STIMATE: variants seen among roughly 807,000 people sequenced by gnomAD.
STIMATE encodes the protein store-operated calcium entry regulator STIMATE.
STIMATE carries 15 observed loss-of-function variants against 36.7 expected under a neutral mutation model. The ratio of observed to expected loss-of-function variants is 0.41; its 90% confidence interval spans 0.27 to 0.63. STIMATE has a LOEUF of 0.63. STIMATE is among the 20% of genes least tolerant of loss of function. The pLI is 0.32. For missense variants in STIMATE, 305 were observed against 397.3 expected, an observed-to-expected ratio of 0.77 and a Z score of 1.98; for synonymous variants, 163 against 162.3, an observed-to-expected ratio of 1.00 and a Z score of -0.03.
At chr3:52,864,151 T>G (rs1701264134) in intron 1 of STIMATE, among the ~76,000 whole-genome samples, 1 of 152,206 alleles carries the variant, frequency 6.6e-6, no homozygotes, top group Non-Finnish European at 1.5e-5. Flanking sequence ...CCTTCCACAT[T>G]GCCCTAGCAG....
intron 1 of STIMATE, among the ~76,000 whole-genome samples, chr3:52,896,461 G>GC (rs11379141): frequency 0.26 from 39,548 of 151,076 alleles, 5,378 homozygotes; most frequent in Admixed American, 0.38. Context: ...AAAAACAGAA[G>GC]CCCCCCCCCA....
intron 7 of STIMATE, among the ~76,000 whole-genome samples, chr3:52,842,134 C>T (rs1358750191): frequency 6.6e-5 from 10 of 152,348 alleles, no homozygotes; most frequent in African/African-American, 2.2e-4. Context: ...ACAGCCTCTC[C>T]GGGGAAGACG....
intron 1 of STIMATE, among the ~76,000 whole-genome samples, chr3:52,870,945 G>A (rs1471250476): frequency 6.6e-6 from 1 of 151,948 alleles, no homozygotes; most frequent in Admixed American, 6.6e-5. Flanking sequence ...GCACCTTCTC[G>A]ACACTCCCAC....
At chr3:52,866,310 C>T (rs371379250) in intron 1 of STIMATE, among the ~76,000 whole-genome samples, 12 of 152,384 alleles carry the variant, frequency 7.9e-5, no homozygotes, top group East Asian at 5.8e-4. Context: ...AGCACGGCTG[C>T]GGCGTGCACC....
intron 2 of STIMATE, among the ~76,000 whole-genome samples, chr3:52,853,819 C>T (rs139526090): frequency 1.3e-3 from 192 of 149,986 alleles, no homozygotes; most frequent in African/African-American, 4.6e-3. Context: ...TGATTACTGA[C>T]GTTTCCTCTG....
At chr3:52,845,405 TCCCACCTC>T (rs1178213925) in intron 4 of STIMATE, among the ~76,000 whole-genome samples, 4 of 152,110 alleles carry the variant, frequency 2.6e-5, no homozygotes, top group African/African-American at 7.2e-5. Context: ...TTTGTTTGTC[TCCCACCTC>T]CCCACCTCCC....
intron 1 of STIMATE, among the ~76,000 whole-genome samples, chr3:52,893,774 G>A (rs1701820753): frequency 6.6e-6 from 1 of 152,192 alleles, no homozygotes; most frequent in Non-Finnish European, 1.5e-5. Context: ...AAATAGGCAG[G>A]CAGATTTATC....
intron 1 of STIMATE, among the ~76,000 whole-genome samples, chr3:52,882,053 G>A (rs1339370789): frequency 2.0e-5 from 3 of 152,230 alleles, no homozygotes; most frequent in Admixed American, 6.5e-5. Context: ...ATGTTCTCTT[G>A]TAAGGCTGCA....
In STIMATE at chr3:52,838,164, C is replaced by T. The variant is rs1194915590; in HGVS notation, c.*2330G>A. 1 of 152,240 alleles carries T rather than the reference C, an allele frequency of 6.6e-6. No homozygotes were observed. The highest frequency in any genetic ancestry group is 1.5e-5 in the Non-Finnish European group (1 of 68,076). The allele number at this position is 152,240 out of a possible 1,614,324, so 9.4% of individuals were successfully genotyped here. On this transcript the variant is annotated 3_prime_UTR_variant, in exon 8 of 8. Coordinates refer to ENST00000355083, the MANE Select transcript of STIMATE (RefSeq NM_198563.5). ...CTGAAAATCAGGATACAGGGAAAAACCACCACTCTTCAGCTACCTCTTTGT... is the reference window on the plus strand; with the variant it reads ...CTGAAAATCAGGATACAGGGAAAAATCACCACTCTTCAGCTACCTCTTTGT...
chr3:52,843,611 G>C (rs946579316), intron 6 of STIMATE, 110 bp downstream of exon 6: 2 of 1,471,570 alleles, frequency 1.4e-6, no homozygotes, highest in Non-Finnish European at 1.8e-6. Context: ...AAATGGTCAC[G>C]CAAAAAGACC....
intron 1 of STIMATE, among the ~76,000 whole-genome samples, chr3:52,881,584 C>T: frequency 6.6e-6 from 1 of 152,064 alleles, no homozygotes; most frequent in East Asian, 1.9e-4. Flanking sequence ...GTGCCTGTAT[C>T]CCAGCTACTT....
Position 52,882,468 on chromosome 3 carries a change from C to T in STIMATE, c.160+14823G>A, listed in dbSNP as rs373440904. 2.0e-4 allele frequency among the ~76,000 whole-genome samples: 31 copies of T among 152,284 alleles called. No individual in the cohort carries two copies. The East Asian group carries it at 5.6e-3, about 27-fold the overall frequency. On this transcript the variant is annotated intron_variant, in intron 1 of 7. Transcript: ENST00000355083. ...CATTTGTCATTCTAAGTTCTCAGGA[C>T]GTTTTTACTGGATGTGGCATGGATG...
chr3:52,849,379 C>T (rs977685346), intron 4 of STIMATE, among the ~76,000 whole-genome samples: 2 of 152,214 alleles, frequency 1.3e-5, no homozygotes, highest in Admixed American at 6.5e-5. Flanking sequence ...CTTGCCACCT[C>T]GTTATTGAAC....
chr3:52,843,673 C>A, intron 6 of STIMATE, 48 bp downstream of exon 6: 1 of 1,613,844 alleles, frequency 6.2e-7, no homozygotes, highest in Middle Eastern at 1.7e-4. Flanking sequence ...GACAGGAACC[C>A]TGCCAGACAG....
intron 1 of STIMATE, among the ~76,000 whole-genome samples, chr3:52,873,929 T>C (rs901766049): frequency 6.6e-6 from 1 of 152,230 alleles, no homozygotes; most frequent in Non-Finnish European, 1.5e-5. Context: ...AGGAATTTCA[T>C]TCAATCTCAT....
intron 1 of STIMATE, among the ~76,000 whole-genome samples, chr3:52,886,629 C>A (rs1701690139): frequency 6.6e-6 from 1 of 152,204 alleles, no homozygotes; most frequent in Admixed American, 6.5e-5. Flanking sequence ...TGGCTCCCTT[C>A]CAAATGGGGG....
intron 6 of STIMATE, 157 bp from the exon 7 acceptor site, chr3:52,843,117 A>G: frequency 7.5e-7 from 1 of 1,335,654 alleles, no homozygotes; most frequent in South Asian, 1.5e-5. Context: ...CAAAGCTTAG[A>G]AAGAGATTCC....
intron 5 of STIMATE, among the ~76,000 whole-genome samples, chr3:52,844,408 G>T (rs1003001684): frequency 1.3e-5 from 2 of 152,238 alleles, no homozygotes; most frequent in Admixed American, 6.5e-5. Context: ...TGGGGAGCCC[G>T]TGGGCTGGCC....
At chr3:52,843,071 G>A (rs1019931529) in intron 6 of STIMATE, 111 bp from the exon 7 acceptor site, 1 of 1,514,398 alleles carries the variant, frequency 6.6e-7, no homozygotes, top group Non-Finnish European at 8.9e-7. Context: ...CAGAGCTATG[G>A]AAAGAAAAAC....
Sources: gnomAD v4.1 joint callset for allele counts (sites outside exome capture counted in the v4.1 genomes callset) on GRCh38, gnomAD v4.1.1 for gene constraint, MANE v1.5 for transcripts, NCBI Gene and HGNC (gene_info 2026-07-23, HGNC 2026-07-21) for gene names.